Variants in TRIM55 observed in about 807,000 individuals in gnomAD.
TRIM55 encodes tripartite motif containing 55, also known as tripartite motif-containing protein 55.
Under a neutral mutation model 60.9 loss-of-function variants are expected in TRIM55, and 50 were observed. The ratio of observed to expected loss-of-function variants is 0.82; its 90% CI spans 0.65 to 1.04. The LOEUF (loss-of-function observed/expected upper bound fraction) is 1.04. TRIM55 is among the 50% of genes least tolerant of loss of function. The pLI is 0.00. For missense variants in TRIM55, 681 were observed against 666.9 expected, an observed-to-expected ratio of 1.02 and a Z score of -0.23; for synonymous variants, 237 against 238.1, an observed-to-expected ratio of 1.00 and a Z score of 0.04.
intron 9 of TRIM55, among the ~76,000 whole-genome samples, chr8:66,172,513 G>A (rs765310202): frequency 9.9e-5 from 15 of 152,222 alleles, no homozygotes; most frequent in Non-Finnish European, 1.9e-4. Context: ...ACATGGAAGT[G>A]TAAGAGAAGC....
At chr8:66,151,182 G>A (rs186885396) in intron 7 of TRIM55, among the ~76,000 whole-genome samples, 2 of 152,206 alleles carry the variant, frequency 1.3e-5, no homozygotes, top group Non-Finnish European at 1.5e-5. Context: ...AAATTTAGAG[G>A]ACAAGAATAG....
Position 66,174,899 on chromosome 8 carries a change from C to T in TRIM55, c.*306C>T. On this transcript the variant is annotated 3_prime_UTR_variant, in exon 10 of 10. Coordinates refer to ENST00000315962, the MANE Select transcript of TRIM55 (RefSeq NM_184085.2). ...ACATGTGTATGTCACTAACAAGTGG[C>T]AAATGGTGAAAAAAGTGGTCACTAT... 5.9e-6 allele frequency: 1 copy of T among 170,736 alleles called. No individual in the cohort carries two copies. The highest frequency in any genetic ancestry group is 1.2e-5 in the Non-Finnish European group (1 of 80,048). The allele number at this position is 170,736 out of a possible 1,614,324, so 10.6% of individuals were successfully genotyped here.
intron 9 of TRIM55, among the ~76,000 whole-genome samples, chr8:66,158,723 C>T (rs1810886474): frequency 6.6e-6 from 1 of 152,214 alleles, no homozygotes; most frequent in African/African-American, 2.4e-5. Context: ...AATAGATTCT[C>T]AGTGAGTTAG....
At chr8:66,160,356 G>GGTGTGTGTGTGT (rs35422649) in intron 9 of TRIM55, among the ~76,000 whole-genome samples, 7,625 of 145,954 alleles carry the variant, frequency 0.052, 260 homozygotes, top group African/African-American at 0.084. Flanking sequence ...AGTATTCCAT[G>GGTGTGTGTGTGT]GTGTGTGTGT....
intron 6 of TRIM55, 45 bp downstream of exon 6, chr8:66,150,284 AC>A: frequency 1.2e-6 from 2 of 1,613,936 alleles, no homozygotes; most frequent in Non-Finnish European, 1.7e-6. Flanking sequence ...TTTCACCTTT[AC>A]CCAAGGCTAT....
At chr8:66,113,978 G>A in the TRIM55 span, among the ~76,000 whole-genome samples, 3 of 151,502 alleles carry the variant, frequency 2.0e-5, no homozygotes, top group South Asian at 4.2e-4. Context: ...CCGGGAAGCT[G>A]TGCCCGCTCC....
At position 66,152,342 on chromosome 8, in the gene TRIM55, G is replaced by C. The variant is rs1274266055; in HGVS notation, c.986-35G>C. The C allele has an allele frequency of 3.9e-6, 6 of 1,542,428 alleles. No individual in the cohort carries two copies. The East Asian group carries it at 1.2e-4, about 31-fold the overall frequency. On this transcript the variant is annotated intron_variant, in intron 7 of 9. Transcript: ENST00000315962. Reference sequence around the variant, plus strand: ...AACTGTGTCCATGGCTGCAGAGATAGTTATAACAATTTACAAGATACCTTA... The same window carrying C: ...AACTGTGTCCATGGCTGCAGAGATACTTATAACAATTTACAAGATACCTTA...
intron 9 of TRIM55, among the ~76,000 whole-genome samples, chr8:66,169,021 T>A (rs992330396): frequency 6.6e-6 from 1 of 152,044 alleles, no homozygotes; most frequent in African/African-American, 2.4e-5. Context: ...TAGAGAATGA[T>A]CATTTAGGGA....
At chr8:66,168,242 G>GTTTCTAA (rs1811431646) in intron 9 of TRIM55, among the ~76,000 whole-genome samples, 1 of 152,188 alleles carries the variant, frequency 6.6e-6, no homozygotes, top group South Asian at 2.1e-4. Context: ...GCCTAACAGA[G>GTTTCTAA]TTTCTAAGGC....
chr8:66,146,276 A>G (rs1037765390), intron 4 of TRIM55, among the ~76,000 whole-genome samples: 1 of 152,182 alleles, frequency 6.6e-6, no homozygotes, highest in African/African-American at 2.4e-5. Context: ...AACATTCAAT[A>G]TAAGTTATTT....
At chr8:66,164,156 G>A (rs1459104970) in intron 9 of TRIM55, among the ~76,000 whole-genome samples, 2 of 152,112 alleles carry the variant, frequency 1.3e-5, no homozygotes, top group South Asian at 4.1e-4. Context: ...GGGGAACTAT[G>A]CTGACAGTCA....
At chr8:66,157,122 G>C (rs752313602) in intron 9 of TRIM55, among the ~76,000 whole-genome samples, 37 of 152,286 alleles carry the variant, frequency 2.4e-4, no homozygotes, top group East Asian at 7.7e-4. Context: ...CTTCTCTGAG[G>C]CTGCAGAGGG....
chr8:66,144,208 A>AT (rs905902516), intron 4 of TRIM55, among the ~76,000 whole-genome samples: 1 of 151,982 alleles, frequency 6.6e-6, no homozygotes, highest in Non-Finnish European at 1.5e-5. Flanking sequence ...TGACCATTTG[A>AT]TTTTTTTTCT....
At chr8:66,125,989 T>C (rs1808805393), upstream of TRIM55, among the ~76,000 whole-genome samples, 1 of 152,266 alleles carries the variant, frequency 6.6e-6, no homozygotes, top group Non-Finnish European at 1.5e-5. Flanking sequence ...AAATACAATA[T>C]GTATTGGTTA....
At chr8:66,159,254 A>G (rs1586237918) in intron 9 of TRIM55, among the ~76,000 whole-genome samples, 1 of 152,366 alleles carries the variant, frequency 6.6e-6, no homozygotes, top group African/African-American at 2.4e-5. Flanking sequence ...TAGTTCTGCC[A>G]GTTCCAAACT....
At chr8:66,157,468 C>T (rs904437506) in intron 9 of TRIM55, among the ~76,000 whole-genome samples, 1 of 152,124 alleles carries the variant, frequency 6.6e-6, no homozygotes, top group Admixed American at 6.5e-5. Flanking sequence ...CCCAGTTTAC[C>T]AGATTCATAT....
chr8:66,153,801 C>A (rs1810572538), intron 8 of TRIM55, among the ~76,000 whole-genome samples: 1 of 152,072 alleles, frequency 6.6e-6, no homozygotes, highest in Non-Finnish European at 1.5e-5. Flanking sequence ...GCCTGGGCTC[C>A]CAGTGAGTGA....
intron 9 of TRIM55, among the ~76,000 whole-genome samples, chr8:66,166,379 C>T (rs557362526): frequency 2.0e-5 from 3 of 152,286 alleles, no homozygotes; most frequent in South Asian, 4.1e-4. Context: ...AGCTAAGCTT[C>T]CTGTGTTTTC....
At chr8:66,122,354 G>A (rs1044562220), upstream of TRIM55, among the ~76,000 whole-genome samples, 23 of 152,162 alleles carry the variant, frequency 1.5e-4, no homozygotes, top group Middle Eastern at 6.8e-3. Context: ...CCCCCTCCCC[G>A]CTTCGAATCT....
Sources: allele counts gnomAD v4.1 joint callset (sites outside exome capture counted in the v4.1 genomes callset), GRCh38; gene constraint gnomAD v4.1.1; transcripts MANE v1.5; gene names NCBI Gene and HGNC (gene_info 2026-07-23, HGNC 2026-07-21).